MORC1: variants seen among roughly 807,000 people sequenced by gnomAD.
MORC1 encodes the protein MORC family CW-type zinc finger protein 1.
Under a neutral mutation model 134.9 loss-of-function variants are expected in MORC1, and 59 were observed. That is an observed-to-expected ratio of 0.44 (90% CI 0.35 to 0.54). MORC1 has a LOEUF of 0.54. MORC1 is among the 20% of genes least tolerant of loss of function. MORC1 has a pLI of 0.00. For synonymous variants in MORC1, 395 were observed against 391.7 expected (o/e 1.01, Z -0.10); for missense variants, 947 against 1,134.5 (o/e 0.83, Z 2.37).
At chr3:109,029,866 G>T (rs943788889) in intron 16 of MORC1, among the ~76,000 whole-genome samples, 1 of 152,184 alleles carries the variant, frequency 6.6e-6, no homozygotes, top group Non-Finnish European at 1.5e-5. Context: ...AAGAGTACAG[G>T]TTTTGCATCA....
intron 8 of MORC1, among the ~76,000 whole-genome samples, chr3:109,087,974 G>A (rs1950647945): frequency 6.6e-6 from 1 of 152,092 alleles, no homozygotes; most frequent in African/African-American, 2.4e-5. Context: ...GAAGCAATGG[G>A]AAAAGACTCC....
intron 27 of MORC1, among the ~76,000 whole-genome samples, chr3:108,960,576 GA>G (rs1252765803): frequency 6.6e-6 from 1 of 152,068 alleles, no homozygotes; most frequent in African/African-American, 2.4e-5. Context: ...TGACTTTTTT[GA>G]GGGCCAAAGA....
At chr3:108,997,812 A>T (rs1400465083) in intron 21 of MORC1, among the ~76,000 whole-genome samples, 1 of 152,190 alleles carries the variant, frequency 6.6e-6, no homozygotes, top group Non-Finnish European at 1.5e-5. Flanking sequence ...AACCAGAGTG[A>T]GATGTTGCCT....
At chr3:109,110,867 A>G in intron 2 of MORC1, 84 bp from the exon 3 acceptor site, 1 of 1,044,882 alleles carries the variant, frequency 9.6e-7, no homozygotes, top group Non-Finnish European at 1.4e-6. Context: ...ATATCAAACA[A>G]TACAAAAATC....
chr3:109,107,865 G>A (rs1017028932), intron 3 of MORC1, among the ~76,000 whole-genome samples: 10 of 152,124 alleles, frequency 6.6e-5, no homozygotes, highest in Non-Finnish European at 1.3e-4. Flanking sequence ...TGAACTATAA[G>A]TTCAGTTTTT....
chr3:108,967,219 A>G (rs367610472), intron 26 of MORC1, among the ~76,000 whole-genome samples: 1 of 152,308 alleles, frequency 6.6e-6, no homozygotes, highest in East Asian at 1.9e-4. Flanking sequence ...GAATAAACAC[A>G]TGTCTTATTC....
intron 23 of MORC1, among the ~76,000 whole-genome samples, chr3:108,982,726 TAA>T (rs72358419): frequency 2.7e-4 from 32 of 117,850 alleles, no homozygotes; most frequent in Admixed American, 6.0e-4. Flanking sequence ...ACTTAAAGTA[TAA>T]AAAAAAAAAA....
intron 17 of MORC1, among the ~76,000 whole-genome samples, chr3:109,009,207 G>GTT (rs72433903): frequency 1.9e-4 from 23 of 118,802 alleles, no homozygotes; most frequent in African/African-American, 5.9e-4. Flanking sequence ...GTTTTTTGTT[G>GTT]TTTTTTTTTT....
chr3:109,032,203 A>G (rs1295335624), intron 16 of MORC1, among the ~76,000 whole-genome samples: 1 of 152,196 alleles, frequency 6.6e-6, no homozygotes, highest in African/African-American at 2.4e-5. Context: ...CATTTTCCCT[A>G]TGGGGGAAAA....
chr3:109,040,427 G>GGAAGGAAAGAAAGAAAGAAAGAAA (rs1248788787), intron 14 of MORC1, among the ~76,000 whole-genome samples: 1 of 48,382 alleles, frequency 2.1e-5, no homozygotes, highest in African/African-American at 6.6e-5. Context: ...AAGGAAGGAA[G>GGAAGGAAAGAAAGAAAGAAAGAAA]GAAAGAAAGA....
intron 14 of MORC1, among the ~76,000 whole-genome samples, chr3:109,054,386 G>A (rs929232845): frequency 6.6e-6 from 1 of 152,116 alleles, no homozygotes; most frequent in Non-Finnish European, 1.5e-5. Flanking sequence ...GGTCTGCATG[G>A]GACTATGTGC....
intron 21 of MORC1, among the ~76,000 whole-genome samples, chr3:108,994,037 T>C (rs1948134364): frequency 6.6e-6 from 1 of 152,174 alleles, no homozygotes; most frequent in Non-Finnish European, 1.5e-5. Flanking sequence ...ATGCTTTTTC[T>C]AAGCTGGAAT....
chr3:109,093,324 G>A (rs976561121), intron 8 of MORC1, 112 bp downstream of exon 8: 5 of 725,542 alleles, frequency 6.9e-6, no homozygotes, highest in Non-Finnish European at 1.2e-5. Context: ...AGGGTAAGAT[G>A]AATTGTCCCA....
At chr3:109,052,648 A>G (rs551127217) in intron 14 of MORC1, among the ~76,000 whole-genome samples, 1 of 152,302 alleles carries the variant, frequency 6.6e-6, no homozygotes, top group Non-Finnish European at 1.5e-5. Context: ...TACAAATGGA[A>G]AGAAAATATT....
chr3:109,049,058 C>A (rs1949759312), intron 14 of MORC1: 1 of 788,196 alleles, frequency 1.3e-6, no homozygotes, highest in Admixed American at 6.2e-5. Context: ...AAGATATGAA[C>A]TGTTTCTCAG....
At chr3:108,984,186 A>T (rs1947832840) in intron 23 of MORC1, among the ~76,000 whole-genome samples, 1 of 152,174 alleles carries the variant, frequency 6.6e-6, no homozygotes, top group Admixed American at 6.5e-5. Flanking sequence ...AATGCCTGGA[A>T]AGCAGCTTAG....
At chr3:109,040,408 G>A (rs866152396) in intron 14 of MORC1, among the ~76,000 whole-genome samples, 55 of 24,740 alleles carry the variant, frequency 2.2e-3, no homozygotes, top group South Asian at 4.0e-3. Flanking sequence ...GAAAGAGAAG[G>A]AAGGAAGGAA....
rs760826368 is a variant in MORC1 at position 108,959,082 on chromosome 3, A to G, written c.2838T>C (p.Tyr946=). The G allele has an allele frequency of 6.3e-6, 10 of 1,586,302 alleles. No homozygotes were observed. Among genetic ancestry groups the G allele is most frequent in the Middle Eastern group, 1.8e-4 (1 of 5,614 alleles). ...PEGDLEQTDT[Y]LEALLKEDNL... Reference sequence around the variant, plus strand: ...TATCTTCTTTAAGCAAAGCTTCTAAATAAGTGTCAGTCTGCTCCAGGTCAC... The same window carrying G: ...TATCTTCTTTAAGCAAAGCTTCTAAGTAAGTGTCAGTCTGCTCCAGGTCAC... The change falls in exon 28 of 28, where the codon TAT becomes TAC. Residue 946 remains tyrosine, a synonymous_variant. Transcript: ENST00000232603.
At chr3:108,991,222 T>A (rs1438745507) in intron 21 of MORC1, among the ~76,000 whole-genome samples, 4 of 152,244 alleles carry the variant, frequency 2.6e-5, no homozygotes, top group Non-Finnish European at 4.4e-5. Context: ...TTCTGGATGA[T>A]ATACTCAGAT....
Sources: gnomAD v4.1 joint callset for allele counts (sites outside exome capture counted in the v4.1 genomes callset) on GRCh38, gnomAD v4.1.1 for gene constraint, MANE v1.5 for transcripts, NCBI Gene and HGNC (gene_info 2026-07-23, HGNC 2026-07-21) for gene names.